The following CADM2 variants were observed in gnomAD, a reference collection of about 807,000 sequenced individuals.
CADM2 encodes the protein cell adhesion molecule 2, also known as immunoglobulin superfamily member 4D.
Under a neutral mutation model 49.8 loss-of-function variants are expected in CADM2, and 12 were observed. That is an observed-to-expected ratio of 0.24 (90% confidence interval 0.15 to 0.39). CADM2 has a LOEUF of 0.39. CADM2 is among the 10% of genes least tolerant of loss of function. The pLI, the probability that CADM2 is intolerant of heterozygous loss-of-function variation, is 1.00. For synonymous variants in CADM2, 214 were observed against 175.4 expected, an observed-to-expected ratio of 1.22 and a Z score of -1.74; for missense variants, 378 against 492.3, an observed-to-expected ratio of 0.77 and a Z score of 2.20.
In CADM2 at chr3:85,821,660, G is replaced by C. The variant is rs112278125; in HGVS notation, c.238+19464G>C. On this transcript the variant is annotated intron_variant, in intron 3 of 9. Coordinates refer to ENST00000383699, the MANE Select transcript of CADM2 (RefSeq NM_001167675.2). ...ATGCAACAAGCATTTTTCTGAACAA[G>C]GTCTAGGTGTGGAGCTGCAATGGTG... Among the ~76,000 whole-genome samples the C allele has an allele frequency of 6.6e-4, 101 of 152,180 alleles. 1 individual carries two copies. The highest frequency in any genetic ancestry group is 2.3e-3 in the African/African-American group (97 of 41,528).
intron 1 of CADM2, among the ~76,000 whole-genome samples, chr3:85,092,500 C>A (rs2037634748): frequency 6.6e-6 from 1 of 152,074 alleles, no homozygotes; most frequent in African/African-American, 2.4e-5. Flanking sequence ...TGCTCCTGAT[C>A]CATGGGAGTA....
At chr3:85,006,649 G>A (rs1043949768) in intron 1 of CADM2, among the ~76,000 whole-genome samples, 3 of 152,006 alleles carry the variant, frequency 2.0e-5, no homozygotes, top group Non-Finnish European at 4.4e-5. Flanking sequence ...TATCTTTCTT[G>A]TAGGGTAGCA....
chr3:85,777,524 G>C (rs932625242), intron 2 of CADM2, among the ~76,000 whole-genome samples: 1 of 151,966 alleles, frequency 6.6e-6, no homozygotes, highest in Admixed American at 6.6e-5. Context: ...CAAAGTGCTG[G>C]GATTAAAGCA....
rs555594480 is a variant in CADM2, at chr3:85,115,276, A to G, written c.61+155608A>G. Among the ~76,000 whole-genome samples, 12 of 152,322 alleles carry G rather than the reference A, an allele frequency of 7.9e-5. No homozygotes were observed. In the South Asian group the frequency reaches 2.5e-3, roughly 32 times the overall value. On this transcript the variant is annotated intron_variant, in intron 1 of 9. Coordinates refer to ENST00000383699, the MANE Select transcript of CADM2 (RefSeq NM_001167675.2). Reference sequence around the variant, plus strand: ...ATAAGTTAATAAGCAGAATTTTAAAATGACCCTCAAGAGCAGCAGATGAAT... The same window carrying G: ...ATAAGTTAATAAGCAGAATTTTAAAGTGACCCTCAAGAGCAGCAGATGAAT...
intron 1 of CADM2, among the ~76,000 whole-genome samples, chr3:85,239,316 G>A (rs1196195709): frequency 2.6e-5 from 4 of 151,766 alleles, no homozygotes; most frequent in South Asian, 2.1e-4. Context: ...GGCAGACTGT[G>A]TGAAAAACAT....
intron 1 of CADM2, among the ~76,000 whole-genome samples, chr3:84,979,778 A>G (rs2032055584): frequency 2.0e-5 from 3 of 152,122 alleles, no homozygotes; most frequent in Admixed American, 1.3e-4. Flanking sequence ...CTCCTAGGCT[A>G]TAAAATTAAA....
At chr3:85,463,892 T>C (rs1442681959) in intron 1 of CADM2, among the ~76,000 whole-genome samples, 1 of 152,172 alleles carries the variant, frequency 6.6e-6, no homozygotes, top group African/African-American at 2.4e-5. Context: ...CCTACTGTTC[T>C]CTCAAAGTTT....
chr3:85,749,103 C>T (rs1375762016), intron 2 of CADM2, among the ~76,000 whole-genome samples: 1 of 151,674 alleles, frequency 6.6e-6, no homozygotes, highest in Non-Finnish European at 1.5e-5. Flanking sequence ...CAGATTTGCA[C>T]AATACTCCTT....
intron 1 of CADM2, among the ~76,000 whole-genome samples, chr3:85,724,867 G>C (rs1246918172): frequency 6.6e-6 from 1 of 151,734 alleles, no homozygotes; most frequent in African/African-American, 2.4e-5. Context: ...ATTCATTAAA[G>C]GAATGTAGAT....
intron 1 of CADM2, among the ~76,000 whole-genome samples, chr3:85,136,972 C>A (rs1385728906): frequency 6.6e-6 from 1 of 151,900 alleles, no homozygotes; most frequent in Non-Finnish European, 1.5e-5. Flanking sequence ...ATATTTCACA[C>A]AACGAAGTAC....
At chr3:85,573,346 C>T (rs571740329) in intron 1 of CADM2, among the ~76,000 whole-genome samples, 17 of 152,126 alleles carry the variant, frequency 1.1e-4, no homozygotes, top group Non-Finnish European at 2.2e-4. Context: ...GTGCATGCCA[C>T]CAGGCTCAGC....
chr3:85,538,267 C>T (rs2061466117), intron 1 of CADM2, among the ~76,000 whole-genome samples: 3 of 152,086 alleles, frequency 2.0e-5, no homozygotes, highest in South Asian at 4.1e-4. Flanking sequence ...TGCCACATCT[C>T]ATATACAGTG....
chr3:85,704,292 G>A (rs2066870026), intron 1 of CADM2, among the ~76,000 whole-genome samples: 2 of 152,188 alleles, frequency 1.3e-5, no homozygotes, highest in Admixed American at 1.3e-4. Flanking sequence ...TAATTTCTAT[G>A]CAAGACGATA....
At chr3:86,042,331 G>A (rs1207243190) in intron 8 of CADM2, among the ~76,000 whole-genome samples, 5 of 151,984 alleles carry the variant, frequency 3.3e-5, no homozygotes, top group African/African-American at 1.2e-4. Flanking sequence ...TAGACCACTA[G>A]CAAGACTAAT....
chr3:85,367,247 C>A (rs9990110), intron 1 of CADM2, among the ~76,000 whole-genome samples: 150 of 151,914 alleles, frequency 9.9e-4, no homozygotes, highest in African/African-American at 3.5e-3. Context: ...TATTGCTAAC[C>A]AACACACAAG....
chr3:85,478,051 A>G (rs2039055498), intron 1 of CADM2, among the ~76,000 whole-genome samples: 1 of 151,934 alleles, frequency 6.6e-6, no homozygotes, highest in Non-Finnish European at 1.5e-5. Context: ...TTAAAATAAT[A>G]TGATAATTTA....
chr3:85,589,933 C>G lies in CADM2; in HGVS notation c.62-136589C>G, dbSNP rs553914385. 3.3e-5 allele frequency among the ~76,000 whole-genome samples: 5 copies of G among 151,758 alleles called. No homozygotes were observed. The South Asian group carries it at 1.0e-3, about 32-fold the overall frequency. On this transcript the variant is annotated intron_variant, in intron 1 of 9. Transcript: ENST00000383699. ...TTAAGGGAAAATGCCAATTGGTTAA[C>G]CAGGTAAAGAAATAGTGGTATTTCT...
At chr3:85,159,146 T>C (rs1395598646) in intron 1 of CADM2, among the ~76,000 whole-genome samples, 1 of 152,216 alleles carries the variant, frequency 6.6e-6, no homozygotes, top group African/African-American at 2.4e-5. Flanking sequence ...ATATCAATAG[T>C]CTTCAAAAAT....
intron 8 of CADM2, among the ~76,000 whole-genome samples, chr3:85,986,080 C>T (rs1404756466): frequency 1.3e-5 from 2 of 151,996 alleles, no homozygotes; most frequent in Non-Finnish European, 2.9e-5. Context: ...TTTAATTAAA[C>T]CAGGTTAAGA....
Sources: allele counts gnomAD v4.1 joint callset (sites outside exome capture counted in the v4.1 genomes callset), GRCh38; gene constraint gnomAD v4.1.1; transcripts MANE v1.5; gene names NCBI Gene and HGNC (gene_info 2026-07-23, HGNC 2026-07-21).